The following ELMO1 variants were observed in gnomAD, a reference collection of about 807,000 sequenced individuals.
The protein encoded by ELMO1 is engulfment and cell motility 1.
In ELMO1, 26 loss-of-function variants were observed where a neutral mutation model predicts 98.9. That is an observed-to-expected ratio of 0.26 (90% CI 0.19 to 0.36). The LOEUF is 0.36. Among genes scored for constraint, ELMO1 ranks in the 10% least tolerant of loss-of-function variants. The pLI is 1.00. For missense variants in ELMO1, 627 were observed against 935.2 expected (o/e 0.67, Z 4.30); for synonymous variants, 346 against 346.0 (o/e 1.00, Z 0.00).
intron 15 of ELMO1, among the ~76,000 whole-genome samples, chr7:37,040,744 C>T (rs1431730586): frequency 1.3e-5 from 2 of 152,122 alleles, no homozygotes; most frequent in African/African-American, 2.4e-5. Context: ...AGCAAATGTG[C>T]CTCCCTTATT....
Position 37,342,226 on chromosome 7 carries a change from G to GA in ELMO1, c.78+386dup, listed in dbSNP as rs938748820. ...GCATTTGGCTGCTTCTGCAAAAAAT[G>GA]AAAAAAAAGGGATTTTAAAAATTAA... is the stretch of plus-strand genomic sequence containing the variant. On this transcript the variant is annotated intron_variant, in intron 2 of 21. Coordinates refer to ENST00000310758, the MANE Select transcript of ELMO1 (RefSeq NM_014800.11). This position sits in a 1 kb window ranked among gnomAD's most constrained non-coding sequence, Gnocchi z 4.3. Among the ~76,000 whole-genome samples, 7 of 151,486 alleles carry GA rather than the reference G, an allele frequency of 4.6e-5. No homozygotes were observed. Among genetic ancestry groups the GA allele is most frequent in the African/African-American group, 1.2e-4 (5 of 41,254 alleles).
chr7:36,923,459 C>T (rs529459912), intron 16 of ELMO1, among the ~76,000 whole-genome samples: 19 of 152,142 alleles, frequency 1.2e-4, no homozygotes, highest in African/African-American at 4.6e-4. Flanking sequence ...TGATAAAAAC[C>T]CTTGTATTGG....
intron 16 of ELMO1, among the ~76,000 whole-genome samples, chr7:36,980,151 G>C (rs1364346417): frequency 6.6e-6 from 1 of 152,204 alleles, no homozygotes; most frequent in Non-Finnish European, 1.5e-5. Context: ...AAGAGGATGA[G>C]TAAAGAGCTG....
chr7:37,226,931 A>G (rs1213961733), intron 8 of ELMO1, among the ~76,000 whole-genome samples: 1 of 152,206 alleles, frequency 6.6e-6, no homozygotes, highest in Non-Finnish European at 1.5e-5. Flanking sequence ...ACAGTCTAGT[A>G]TGGACAGATA....
chr7:36,913,643 C>T (rs1784488110), intron 16 of ELMO1, among the ~76,000 whole-genome samples: 1 of 152,192 alleles, frequency 6.6e-6, no homozygotes, highest in African/African-American at 2.4e-5. Flanking sequence ...GTTCTACTAG[C>T]CCCACCTTGG....
chr7:37,012,016 T>C (rs1444261724), intron 16 of ELMO1, among the ~76,000 whole-genome samples: 3 of 151,574 alleles, frequency 2.0e-5, no homozygotes, highest in African/African-American at 7.3e-5. Context: ...CTCAGACACA[T>C]GACAGCTCTG....
intron 5 of ELMO1, chr7:37,270,067 T>A (rs774364268): frequency 2.0e-5 from 3 of 152,192 alleles, no homozygotes; most frequent in Non-Finnish European, 4.4e-5. Flanking sequence ...CAAGGTCTAC[T>A]TTTTCTGTCC....
chr7:37,428,677 G>T (rs981490189), intron 1 of ELMO1, among the ~76,000 whole-genome samples: 2 of 152,202 alleles, frequency 1.3e-5, no homozygotes, highest in Non-Finnish European at 2.9e-5. Flanking sequence ...GATGAAAGAA[G>T]AGCAATCCTG....
At chr7:37,430,890 A>G (rs181951246) in intron 1 of ELMO1, among the ~76,000 whole-genome samples, 1 of 152,328 alleles carries the variant, frequency 6.6e-6, no homozygotes, top group East Asian at 1.9e-4. Flanking sequence ...TTCAACATGG[A>G]TCTGTGTAGG....
chr7:37,068,849 G>C (rs1797121497), intron 15 of ELMO1, among the ~76,000 whole-genome samples: 1 of 152,146 alleles, frequency 6.6e-6, no homozygotes, highest in Non-Finnish European at 1.5e-5. Context: ...CGACTCCTAG[G>C]TCATGAGATG....
At chr7:37,299,470 G>C (rs1177797893) in intron 4 of ELMO1, among the ~76,000 whole-genome samples, 5 of 101,972 alleles carry the variant, frequency 4.9e-5, no homozygotes, top group South Asian at 3.8e-4. Context: ...AAGGGATCCA[G>C]TTTCAGCTTT....
intron 13 of ELMO1, among the ~76,000 whole-genome samples, chr7:37,186,664 T>TC (rs1012480711): frequency 6.6e-6 from 1 of 152,180 alleles, no homozygotes; most frequent in African/African-American, 2.4e-5. Context: ...AACAGACATT[T>TC]CCCCAAAGAA....
intron 15 of ELMO1, among the ~76,000 whole-genome samples, chr7:37,077,688 G>A (rs938153905): frequency 6.6e-5 from 10 of 152,180 alleles, no homozygotes; most frequent in African/African-American, 1.2e-4. Context: ...GTGGATGTGA[G>A]GCAGTGACTG....
chr7:37,315,447 A>G (rs1272967798), intron 3 of ELMO1, among the ~76,000 whole-genome samples: 1 of 152,304 alleles, frequency 6.6e-6, no homozygotes, highest in Non-Finnish European at 1.5e-5. Context: ...CAGCTACCAT[A>G]TATACATTTC....
At position 37,188,318 on chromosome 7, in the gene ELMO1, T is replaced by C. The variant is rs17170914; in HGVS notation, c.1086+23068A>G. 8.6e-5 allele frequency among the ~76,000 whole-genome samples: 13 copies of C among 151,788 alleles called. No individual in the cohort carries two copies. In the East Asian group the frequency reaches 2.3e-3, roughly 27 times the overall value. On this transcript the variant is annotated intron_variant, in intron 13 of 21. Coordinates refer to ENST00000310758, the MANE Select transcript of ELMO1 (RefSeq NM_014800.11). ...ATGAGATGTTTTTGCAGAACTGGAT[T>C]ACTCCACTATCCTTCATTACATGAA...
intron 1 of ELMO1, among the ~76,000 whole-genome samples, chr7:37,345,522 C>T (rs561921671): frequency 6.6e-6 from 1 of 152,070 alleles, no homozygotes; most frequent in South Asian, 2.1e-4. Context: ...CCAGCCTGGC[C>T]AACATGGTGA....
At chr7:37,091,945 C>T (rs1273503660) in intron 15 of ELMO1, among the ~76,000 whole-genome samples, 1 of 152,156 alleles carries the variant, frequency 6.6e-6, no homozygotes, top group African/African-American at 2.4e-5. Context: ...TTATCTCCCA[C>T]TGGGTCCCTC....
chr7:37,192,310 C>T (rs1438075245), intron 13 of ELMO1, among the ~76,000 whole-genome samples: 2 of 151,476 alleles, frequency 1.3e-5, no homozygotes, highest in African/African-American at 4.9e-5. Context: ...TCTTGGTCAA[C>T]ATGGTGAAAT....
intron 5 of ELMO1, among the ~76,000 whole-genome samples, chr7:37,264,525 A>C (rs966581763): frequency 1.3e-5 from 2 of 152,222 alleles, no homozygotes; most frequent in Non-Finnish European, 2.9e-5. Flanking sequence ...AAGAGTCAAC[A>C]TTATTAAAAA....
Sources: gnomAD v4.1 joint callset for allele counts (sites outside exome capture counted in the v4.1 genomes callset) on GRCh38, gnomAD v4.1.1 for gene constraint, Gnocchi (gnomAD v3.1) non-coding constraint, MANE v1.5 for transcripts, NCBI Gene and HGNC (gene_info 2026-07-23, HGNC 2026-07-21) for gene names.